The following ROBO2 variants were observed in gnomAD, a reference collection of about 807,000 sequenced individuals.
The protein encoded by ROBO2 is roundabout guidance receptor 2.
ROBO2 carries 53 observed loss-of-function variants against 160.8 expected under a neutral mutation model. The observed-to-expected ratio is 0.33, with a 90% CI of 0.26 to 0.41. The LOEUF is 0.41. Among genes scored for constraint, ROBO2 ranks in the 10% least tolerant of loss-of-function variants. ROBO2 has a pLI of 1.00. For missense variants in ROBO2, 1,577 were observed against 1,722.4 expected (o/e 0.92, Z 1.49); for synonymous variants, 664 against 611.7 (o/e 1.09, Z -1.26).
At chr3:76,675,284 CAA>C (rs1172417304) in intron 2 of ROBO2, among the ~76,000 whole-genome samples, 2 of 152,122 alleles carry the variant, frequency 1.3e-5, no homozygotes, top group African/African-American at 4.8e-5. Context: ...GCTGAGAAAA[CAA>C]AGTCTCTAAA....
chr3:77,104,959 G>C (rs1476036488), intron 2 of ROBO2, among the ~76,000 whole-genome samples: 1 of 152,152 alleles, frequency 6.6e-6, no homozygotes, highest in African/African-American at 2.4e-5. Flanking sequence ...TAATCTTACT[G>C]TTTGAGTCTT....
At chr3:76,904,642 AGGGTCT>A (rs761202188) in intron 2 of ROBO2, among the ~76,000 whole-genome samples, 4 of 152,042 alleles carry the variant, frequency 2.6e-5, no homozygotes, top group Non-Finnish European at 5.9e-5. Context: ...CGTGGCTCAG[AGGGTCT>A]GGGATTTAAG....
chr3:76,259,325 C>CA (rs1479085783), intron 2 of ROBO2, among the ~76,000 whole-genome samples: 3 of 152,118 alleles, frequency 2.0e-5, no homozygotes, highest in African/African-American at 7.2e-5. Flanking sequence ...ATTCTCTACA[C>CA]TTAGTTCCTT....
At chr3:76,302,152 T>A (rs946706333) in intron 2 of ROBO2, among the ~76,000 whole-genome samples, 1 of 152,096 alleles carries the variant, frequency 6.6e-6, no homozygotes, top group Non-Finnish European at 1.5e-5. Flanking sequence ...TATGGCTATA[T>A]GATAAGCCTA....
At chr3:76,489,285 G>A (rs2079683585) in intron 2 of ROBO2, among the ~76,000 whole-genome samples, 1 of 151,614 alleles carries the variant, frequency 6.6e-6, no homozygotes. Context: ...TGCTGAAATG[G>A]GAAATTACCT....
intron 1 of ROBO2, among the ~76,000 whole-genome samples, chr3:77,049,583 A>T (rs2149681933): frequency 6.6e-6 from 1 of 152,320 alleles, no homozygotes; most frequent in African/African-American, 2.4e-5. Context: ...AAAATTTAAT[A>T]CTAAGGAGAC....
chr3:76,709,035 G>A (rs553640876), intron 2 of ROBO2, among the ~76,000 whole-genome samples: 76 of 152,194 alleles, frequency 5.0e-4, no homozygotes, highest in African/African-American at 1.8e-3. Flanking sequence ...TAGATATTTT[G>A]TTTTTGGTTT....
intron 2 of ROBO2, among the ~76,000 whole-genome samples, chr3:77,404,652 T>G (rs1364786043): frequency 1.3e-5 from 2 of 152,170 alleles, no homozygotes; most frequent in African/African-American, 4.8e-5. Flanking sequence ...CATATGGATA[T>G]TCTTAGAATT....
chr3:77,645,985 T>C, intron 25 of ROBO2, 69 bp from the exon 28 acceptor site: 1 of 1,201,096 alleles, frequency 8.3e-7, no homozygotes, highest in Non-Finnish European at 1.2e-6. Context: ...GCTTTGCTTT[T>C]TGTTATGCTG....
intron 5 of ROBO2, among the ~76,000 whole-genome samples, chr3:77,505,114 A>G (rs953361579): frequency 2.0e-5 from 3 of 152,166 alleles, no homozygotes; most frequent in Admixed American, 6.5e-5. Flanking sequence ...TATGGAATAC[A>G]CCATAAAATG....
intron 2 of ROBO2, among the ~76,000 whole-genome samples, chr3:76,054,027 C>T (rs543464262): frequency 1.5e-4 from 23 of 152,120 alleles, no homozygotes; most frequent in African/African-American, 4.8e-4. Context: ...ACTAAATTGA[C>T]CAAAGACATT....
At chr3:77,472,881 C>G (rs1005261060) in intron 2 of ROBO2, among the ~76,000 whole-genome samples, 1 of 152,078 alleles carries the variant, frequency 6.6e-6, no homozygotes, top group South Asian at 2.1e-4. Flanking sequence ...TTTGTTGGGG[C>G]TCAGAAACTG....
At chr3:77,192,158 G>C (rs1284094970) in intron 2 of ROBO2, among the ~76,000 whole-genome samples, 1 of 152,094 alleles carries the variant, frequency 6.6e-6, no homozygotes, top group Non-Finnish European at 1.5e-5. Flanking sequence ...TTTATTAAAA[G>C]ACAGTTCAAA....
chr3:77,062,013 G>A (rs72904028), intron 1 of ROBO2, among the ~76,000 whole-genome samples: 313 of 152,172 alleles, frequency 2.1e-3, no homozygotes, highest in African/African-American at 7.3e-3. Context: ...TTCAAAGTAG[G>A]CAAAGGATAA....
intron 2 of ROBO2, among the ~76,000 whole-genome samples, chr3:75,945,328 C>T (rs1419293860): frequency 1.3e-5 from 2 of 151,940 alleles, no homozygotes; most frequent in Non-Finnish European, 2.9e-5. Flanking sequence ...GAGAAGATGG[C>T]AATTGGAAGA....
rs572571633 is a variant in ROBO2, at chr3:77,067,348, C to G, written c.61+26502C>G. Among the ~76,000 whole-genome samples the G allele has an allele frequency of 2.0e-4, 31 of 152,222 alleles. No individual in the cohort carries two copies. In the South Asian group the frequency reaches 6.4e-3, roughly 32 times the overall value. ...TGCTTATTCCCAAACTTTGTATTTA[C>G]TTTTTACTACTTGCCCCTGATATTT... On this transcript the variant is annotated intron_variant, in intron 1 of 25. Coordinates refer to ENST00000461745, the Ensembl canonical transcript of ROBO2.
chr3:75,986,355 T>G (rs942559341), intron 2 of ROBO2, among the ~76,000 whole-genome samples: 3 of 151,706 alleles, frequency 2.0e-5, no homozygotes, highest in Admixed American at 1.3e-4. Context: ...GAGAAATGTC[T>G]TTGGAGAAAA....
At chr3:77,588,965 T>G in intron 17 of ROBO2, 32 bp downstream of exon 18, 30 of 1,603,340 alleles carry the variant, frequency 1.9e-5, no homozygotes, top group African/African-American at 2.7e-5. Context: ...AGAAAATCTC[T>G]TGTCTGTAGG....
chr3:77,273,959 C>G (rs1456161898), intron 2 of ROBO2, among the ~76,000 whole-genome samples: 1 of 151,164 alleles, frequency 6.6e-6, no homozygotes, highest in Non-Finnish European at 1.5e-5. Context: ...TGGTGTGAAT[C>G]TAACCTAGAC....
Sources: allele counts gnomAD v4.1 joint callset (sites outside exome capture counted in the v4.1 genomes callset), GRCh38; gene constraint gnomAD v4.1.1; transcripts MANE v1.5; gene names NCBI Gene and HGNC (gene_info 2026-07-23, HGNC 2026-07-21).